Variants in LPP observed in about 807,000 individuals in gnomAD.
LPP encodes the protein lipoma-preferred partner.
LPP carries 38 observed loss-of-function variants against 60.4 expected under a neutral mutation model. The ratio of observed to expected loss-of-function variants is 0.63; its 90% CI spans 0.49 to 0.83. The LOEUF (loss-of-function observed/expected upper bound fraction) is 0.83. Ranked by LOEUF, LPP falls within the 40% of genes least tolerant of loss-of-function variation. The pLI is 0.00. For missense variants in LPP, 902 were observed against 783.6 expected, an observed-to-expected ratio of 1.15 and a Z score of -1.80; for synonymous variants, 328 against 290.8, an observed-to-expected ratio of 1.13 and a Z score of -1.30.
intron 6 of LPP, among the ~76,000 whole-genome samples, chr3:188,601,670 G>T (rs1841193031): frequency 6.6e-6 from 1 of 152,128 alleles, no homozygotes; most frequent in Non-Finnish European, 1.5e-5. Flanking sequence ...TCACTCTGTT[G>T]AGTGGGTTTA....
chr3:188,512,769 A>G (rs1038273231), intron 5 of LPP, among the ~76,000 whole-genome samples: 1 of 152,164 alleles, frequency 6.6e-6, no homozygotes, highest in African/African-American at 2.4e-5. Context: ...TGATGAGCTA[A>G]TGTATAAAGT....
At chr3:188,245,358 G>GC in intron 2 of LPP, among the ~76,000 whole-genome samples, 1 of 152,246 alleles carries the variant, frequency 6.6e-6, no homozygotes, top group East Asian at 1.9e-4. Flanking sequence ...TGATCTGCCT[G>GC]CCTCGGCCTC....
At chr3:188,433,376 G>A (rs112573409) in intron 4 of LPP, among the ~76,000 whole-genome samples, 2 of 152,154 alleles carry the variant, frequency 1.3e-5, no homozygotes, top group African/African-American at 4.8e-5. Flanking sequence ...AATCTTGTAT[G>A]AACCATGTCA....
intron 1 of LPP, among the ~76,000 whole-genome samples, chr3:188,223,663 T>A (rs115016134): frequency 0.035 from 5,262 of 152,222 alleles, 116 homozygotes; most frequent in Middle Eastern, 0.065. Flanking sequence ...TTCCTTTCAG[T>A]GAAGTTTAAA....
At chr3:188,577,149 G>T (rs1488302029) in intron 6 of LPP, among the ~76,000 whole-genome samples, 1 of 152,130 alleles carries the variant, frequency 6.6e-6, no homozygotes, top group Non-Finnish European at 1.5e-5. Context: ...GGCTTTTTCT[G>T]CCTCACACTT....
At chr3:188,646,955 C>G (rs1467805184) in intron 7 of LPP, among the ~76,000 whole-genome samples, 1 of 152,216 alleles carries the variant, frequency 6.6e-6, no homozygotes, top group African/African-American at 2.4e-5. Context: ...CCTGCCTGAG[C>G]CTTACTGTGA....
chr3:188,405,454 A>G (rs1336332969), intron 3 of LPP, among the ~76,000 whole-genome samples: 2 of 152,252 alleles, frequency 1.3e-5, no homozygotes, highest in African/African-American at 4.8e-5. Flanking sequence ...CTCCAAGCAC[A>G]CTAAACGTAA....
At chr3:188,705,809 GT>G (rs1397343430) in intron 7 of LPP, among the ~76,000 whole-genome samples, 1 of 151,994 alleles carries the variant, frequency 6.6e-6, no homozygotes, top group Admixed American at 6.6e-5. Flanking sequence ...TAGATACGGG[GT>G]TTCACAGTTT....
rs892528909 is a variant in LPP at position 188,262,691 on chromosome 3, C to T, written c.-67+37164C>T. Among the ~76,000 whole-genome samples, 69 of 151,614 alleles carry T rather than the reference C, an allele frequency of 4.6e-4. 1 individual carries two copies. Among genetic ancestry groups the T allele is most frequent in the East Asian group, 3.9e-4 (2 of 5,162 alleles). On this transcript the variant is annotated intron_variant, in intron 2 of 11. Transcript: ENST00000617246. ...CTCAGTTCTCTTTCTCCTCTTCTTT[C>T]TCTCTCTCCTCTCTCCTCTCTCTGT...
chr3:188,359,444 G>C (rs763845509), intron 3 of LPP, among the ~76,000 whole-genome samples: 34 of 152,130 alleles, frequency 2.2e-4, no homozygotes, highest in Non-Finnish European at 5.0e-4. Context: ...GAGAAAACAT[G>C]GTTAAAGTCG....
At chr3:188,505,872 G>C (rs199873550) in intron 5 of LPP, among the ~76,000 whole-genome samples, 21 of 152,012 alleles carry the variant, frequency 1.4e-4, no homozygotes, top group East Asian at 1.4e-3. Context: ...TCTTCCTTTG[G>C]CTTTTCCACA....
At chr3:188,338,070 A>T (rs1353559733) in intron 2 of LPP, among the ~76,000 whole-genome samples, 4 of 152,244 alleles carry the variant, frequency 2.6e-5, no homozygotes, top group African/African-American at 7.2e-5. Context: ...AGGCCAAAGC[A>T]ATTTACTTTT....
At chr3:188,857,638 A>T (rs951438979) in intron 9 of LPP, among the ~76,000 whole-genome samples, 2 of 152,222 alleles carry the variant, frequency 1.3e-5, no homozygotes, top group African/African-American at 4.8e-5. Context: ...GGGTATAATA[A>T]GGTTTACACA....
intron 4 of LPP, among the ~76,000 whole-genome samples, chr3:188,413,303 T>G (rs1785339522): frequency 6.6e-6 from 1 of 152,194 alleles, no homozygotes; most frequent in Admixed American, 6.5e-5. Flanking sequence ...AATCTTGCTC[T>G]GACTTTGGAG....
intron 2 of LPP, among the ~76,000 whole-genome samples, chr3:188,287,822 C>A (rs1268671074): frequency 3.3e-5 from 5 of 152,086 alleles, no homozygotes; most frequent in Non-Finnish European, 7.4e-5. Flanking sequence ...CATATATATT[C>A]ATCTCTGAAA....
Position 188,699,504 on chromosome 3 carries a change from A to G in LPP, c.1114-8763A>G, listed in dbSNP as rs143147397. 6.8e-4 allele frequency among the ~76,000 whole-genome samples: 104 copies of G among 152,332 alleles called. 1 individual carries two copies. The highest frequency in any genetic ancestry group is 2.1e-3 in the African/African-American group (88 of 41,578). On this transcript the variant is annotated intron_variant, in intron 7 of 11. Coordinates refer to ENST00000617246, the MANE Select transcript of LPP (RefSeq NM_001375462.1). Reference sequence around the variant, plus strand: ...AGAAAGGGAATATGAGGAAGTAGAGATTTTAAGAAAATCAAGATTTCGAAA... The same window carrying G: ...AGAAAGGGAATATGAGGAAGTAGAGGTTTTAAGAAAATCAAGATTTCGAAA...
chr3:188,407,979 C>T (rs1041172068), intron 4 of LPP, among the ~76,000 whole-genome samples: 21 of 151,700 alleles, frequency 1.4e-4, no homozygotes, highest in Non-Finnish European at 2.9e-4. Flanking sequence ...GTAGAGATGG[C>T]GTTTCTCCAC....
rs181728611 is a variant in LPP at position 188,658,051 on chromosome 3, A to C, written c.1113+48207A>C. ...TTTGTTTATCAATCAACACAGTGAC[A>C]GTGACAACGAATGAGTAACCAGTGT... is the stretch of plus-strand genomic sequence containing the variant. On this transcript the variant is annotated intron_variant, in intron 7 of 11. Transcript: ENST00000617246. Among the ~76,000 whole-genome samples the C allele has an allele frequency of 2.0e-3, 307 of 151,894 alleles. 1 individual carries two copies. Among genetic ancestry groups the C allele is most frequent in the African/African-American group, 7.0e-3 (291 of 41,414 alleles).
At chr3:188,318,549 G>A (rs1460781461) in intron 2 of LPP, among the ~76,000 whole-genome samples, 2 of 151,760 alleles carry the variant, frequency 1.3e-5, no homozygotes, top group African/African-American at 2.4e-5. Flanking sequence ...TTGTAAACTC[G>A]GCTCATATAA....
Sources: allele counts gnomAD v4.1 joint callset (sites outside exome capture counted in the v4.1 genomes callset), GRCh38; gene constraint gnomAD v4.1.1; transcripts MANE v1.5; gene names NCBI Gene and HGNC (gene_info 2026-07-23, HGNC 2026-07-21).